CA10: variants seen among roughly 807,000 people sequenced by gnomAD.
The protein encoded by CA10 is carbonic anhydrase 10 (inactive).
Under a neutral mutation model 44.2 loss-of-function variants are expected in CA10, and 14 were observed. That is an observed-to-expected ratio of 0.32 (90% CI 0.21 to 0.50). The LOEUF (loss-of-function observed/expected upper bound fraction) is 0.50. CA10 is among the 20% of genes least tolerant of loss of function. The pLI is 0.99. For synonymous variants in CA10, 159 were observed against 141.6 expected (o/e 1.12, Z -0.87); for missense variants, 350 against 409.7 (o/e 0.85, Z 1.26).
At chr17:51,873,049 G>C (rs1438856732) in intron 3 of CA10, among the ~76,000 whole-genome samples, 3 of 152,218 alleles carry the variant, frequency 2.0e-5, no homozygotes, top group African/African-American at 7.2e-5. Context: ...AAGAAGAGAA[G>C]TGCTGGAGTT....
At chr17:51,900,687 C>T (rs143317797) in intron 3 of CA10, among the ~76,000 whole-genome samples, 14 of 152,202 alleles carry the variant, frequency 9.2e-5, no homozygotes, top group African/African-American at 2.6e-4. Flanking sequence ...TATTTCTTTA[C>T]GTAATTCTAT....
chr17:51,746,229 C>T (rs368924629), intron 4 of CA10, among the ~76,000 whole-genome samples: 7 of 152,206 alleles, frequency 4.6e-5, no homozygotes, highest in Non-Finnish European at 7.3e-5. Context: ...TGACATGCCT[C>T]GGGGCTTTTG....
chr17:52,018,541 C>A (rs918725757), intron 2 of CA10, among the ~76,000 whole-genome samples: 2 of 152,056 alleles, frequency 1.3e-5, no homozygotes, highest in East Asian at 3.9e-4. Flanking sequence ...GCCAATTTAT[C>A]CCTTTTGAAA....
chr17:51,944,437 C>T (rs1045150388), intron 2 of CA10, among the ~76,000 whole-genome samples: 9 of 152,192 alleles, frequency 5.9e-5, no homozygotes, highest in Non-Finnish European at 8.8e-5. Context: ...CTTATCATCA[C>T]GTAAGAAACA....
intron 4 of CA10, among the ~76,000 whole-genome samples, chr17:51,712,769 CATTAATG>C (rs1915981662): frequency 6.6e-6 from 1 of 152,210 alleles, no homozygotes. Context: ...AGGTGTTGGC[CATTAATG>C]AGGTCTCTAC....
intron 1 of CA10, among the ~76,000 whole-genome samples, chr17:52,073,660 G>C (rs950823606): frequency 8.5e-5 from 13 of 152,142 alleles, no homozygotes; most frequent in Middle Eastern, 3.2e-3. Context: ...ACACACAAAA[G>C]TATCCTGGAT....
chr17:51,656,227 C>T (rs1040849419), intron 4 of CA10, among the ~76,000 whole-genome samples: 4 of 152,186 alleles, frequency 2.6e-5, no homozygotes, highest in African/African-American at 9.7e-5. Context: ...AGAGGAGGGA[C>T]ATGAAAGGCA....
intron 3 of CA10, among the ~76,000 whole-genome samples, chr17:51,842,251 T>C (rs951766625): frequency 2.0e-5 from 3 of 152,148 alleles, no homozygotes; most frequent in African/African-American, 7.2e-5. Context: ...TTATTTTTTT[T>C]AAAGAGAAAA....
chr17:52,062,739 T>G (rs2143099099), intron 2 of CA10, among the ~76,000 whole-genome samples: 1 of 152,240 alleles, frequency 6.6e-6, no homozygotes, highest in Middle Eastern at 3.4e-3. Context: ...GCAAGAGCAG[T>G]GGAAGCTGCC....
chr17:51,948,949 T>C (rs1008886505), intron 2 of CA10, among the ~76,000 whole-genome samples: 2 of 152,176 alleles, frequency 1.3e-5, no homozygotes, highest in Non-Finnish European at 2.9e-5. Flanking sequence ...TCCAGAAAGA[T>C]GTCCATAATA....
chr17:52,127,309 G>A lies in CA10; in HGVS notation c.61+30417C>T, dbSNP rs80221641. 9.6e-3 allele frequency among the ~76,000 whole-genome samples: 1,459 copies of A among 152,306 alleles called. 16 individuals are homozygous for A. The highest frequency in any genetic ancestry group is 0.058 in the Middle Eastern group (17 of 294). On this transcript the variant is annotated intron_variant, in intron 1 of 8. Coordinates refer to ENST00000451037, the MANE Select transcript of CA10 (RefSeq NM_020178.5). ...GCATATTCTTTTTCACTGTGGCATA[G>A]TATTGTATTACATGGATCCACTACA...
chr17:52,151,454 C>T (rs1475394995), intron 1 of CA10, among the ~76,000 whole-genome samples: 3 of 152,158 alleles, frequency 2.0e-5, no homozygotes, highest in African/African-American at 4.8e-5. Flanking sequence ...TATCTACAAA[C>T]GACAGAGTTA....
chr17:52,010,929 T>C (rs1192892051), intron 2 of CA10, among the ~76,000 whole-genome samples: 3 of 150,922 alleles, frequency 2.0e-5, no homozygotes, highest in Non-Finnish European at 4.4e-5. Context: ...TTTCAGCAAA[T>C]TTACTGTAGA....
At chr17:51,689,243 A>T (rs558733626) in intron 4 of CA10, among the ~76,000 whole-genome samples, 3 of 152,364 alleles carry the variant, frequency 2.0e-5, no homozygotes, top group Middle Eastern at 3.4e-3. Context: ...TATGCTGAGA[A>T]CTTTACAAAG....
intron 1 of CA10, among the ~76,000 whole-genome samples, chr17:52,122,938 C>A (rs1303997759): frequency 6.6e-6 from 1 of 152,124 alleles, no homozygotes; most frequent in Admixed American, 6.6e-5. Flanking sequence ...GTAACCAGGG[C>A]TTGTGTTTTG....
chr17:52,119,041 C>A (rs1988956468), intron 1 of CA10, among the ~76,000 whole-genome samples: 2 of 152,144 alleles, frequency 1.3e-5, no homozygotes, highest in African/African-American at 2.4e-5. Flanking sequence ...ACTGAAGTAG[C>A]CTTTTTAAAT....
intron 3 of CA10, among the ~76,000 whole-genome samples, chr17:51,877,145 T>A (rs1160364547): frequency 6.6e-6 from 1 of 152,222 alleles, no homozygotes; most frequent in African/African-American, 2.4e-5. Context: ...CACTGCTCCA[T>A]CTTCCCTCCC....
intron 1 of CA10, among the ~76,000 whole-genome samples, chr17:52,155,418 A>G (rs1362627905): frequency 3.3e-5 from 5 of 152,194 alleles, no homozygotes; most frequent in Non-Finnish European, 7.3e-5. Flanking sequence ...CAAATATTCA[A>G]CCTTAGTGCA....
At chr17:51,910,699 G>A (rs1043068555) in intron 3 of CA10, among the ~76,000 whole-genome samples, 1 of 152,062 alleles carries the variant, frequency 6.6e-6, no homozygotes, top group Admixed American at 6.6e-5. Flanking sequence ...AAAACACATC[G>A]ATTGTTCAAA....
Sources: gnomAD v4.1 joint callset for allele counts (sites outside exome capture counted in the v4.1 genomes callset) on GRCh38, gnomAD v4.1.1 for gene constraint, MANE v1.5 for transcripts, NCBI Gene and HGNC (gene_info 2026-07-23, HGNC 2026-07-21) for gene names.